The following DOK6 variants were observed in gnomAD, a reference collection of about 807,000 sequenced individuals.
The protein encoded by DOK6 is downstream of tyrosine kinase 6.
In DOK6, 22 loss-of-function variants were observed where a neutral mutation model predicts 44.0. That is an observed-to-expected ratio of 0.50 (90% CI 0.36 to 0.71). The LOEUF (loss-of-function observed/expected upper bound fraction) is 0.71, where lower values mean the gene tolerates loss of function less well. Ranked by LOEUF, DOK6 falls within the 30% of genes least tolerant of loss-of-function variation. The pLI is 0.00. For missense variants in DOK6, 340 were observed against 416.4 expected, an observed-to-expected ratio of 0.82 and a Z score of 1.60; for synonymous variants, 166 against 145.5, an observed-to-expected ratio of 1.14 and a Z score of -1.01.
At chr18:69,547,953 A>AT (rs1568292917) in intron 1 of DOK6, among the ~76,000 whole-genome samples, 6 of 145,138 alleles carry the variant, frequency 4.1e-5, no homozygotes, top group Admixed American at 2.1e-4. Flanking sequence ...ATATATATAA[A>AT]ATATATATAT....
At chr18:69,709,845 T>C (rs1172403924) in intron 5 of DOK6, among the ~76,000 whole-genome samples, 1 of 152,220 alleles carries the variant, frequency 6.6e-6, no homozygotes, top group Non-Finnish European at 1.5e-5. Flanking sequence ...TTTCACCATC[T>C]GATTATAACT....
intron 1 of DOK6, among the ~76,000 whole-genome samples, chr18:69,540,988 A>G (rs969321805): frequency 7.9e-5 from 12 of 152,138 alleles, no homozygotes; most frequent in African/African-American, 2.9e-4. Context: ...TAATTCTTGC[A>G]CTAATTTGAG....
chr18:69,758,127 A>C (rs924091650), intron 7 of DOK6, among the ~76,000 whole-genome samples: 1 of 152,230 alleles, frequency 6.6e-6, no homozygotes, highest in East Asian at 1.9e-4. Flanking sequence ...AACTTGACTA[A>C]AACATTATAC....
intron 1 of DOK6, among the ~76,000 whole-genome samples, chr18:69,438,215 G>A (rs1004366214): frequency 1.3e-5 from 2 of 150,658 alleles, no homozygotes; most frequent in South Asian, 4.1e-4. Flanking sequence ...TTTATCCATA[G>A]TAGAACTTCG....
At chr18:69,590,302 C>T (rs1568305131) in intron 2 of DOK6, among the ~76,000 whole-genome samples, 1 of 152,092 alleles carries the variant, frequency 6.6e-6, no homozygotes, top group Non-Finnish European at 1.5e-5. Flanking sequence ...GAGTTTAGAT[C>T]AAATTGCCAA....
At chr18:69,831,719 A>C (rs1405153987) in intron 7 of DOK6, among the ~76,000 whole-genome samples, 1 of 152,184 alleles carries the variant, frequency 6.6e-6, no homozygotes, top group East Asian at 1.9e-4. Context: ...CTCCAAAGGA[A>C]TTTCAGAAGC....
intron 2 of DOK6, among the ~76,000 whole-genome samples, chr18:69,584,741 T>A (rs1983460127): frequency 1.3e-5 from 2 of 152,174 alleles, no homozygotes; most frequent in South Asian, 4.1e-4. Context: ...GGAAATGGGC[T>A]CTTGGAAAAT....
chr18:69,427,718 A>G (rs563783140), intron 1 of DOK6, among the ~76,000 whole-genome samples: 3 of 152,302 alleles, frequency 2.0e-5, no homozygotes, highest in East Asian at 1.9e-4. Flanking sequence ...ATGCCCATCA[A>G]TGATAGACTG....
intron 1 of DOK6, among the ~76,000 whole-genome samples, chr18:69,512,301 A>G (rs1452785839): frequency 1.3e-5 from 2 of 148,472 alleles, no homozygotes; most frequent in African/African-American, 5.1e-5. Context: ...CATTTAGGTC[A>G]AGCCAACCCC....
chr18:69,526,126 C>A (rs1401223607), intron 1 of DOK6, among the ~76,000 whole-genome samples: 2 of 151,944 alleles, frequency 1.3e-5, no homozygotes, highest in African/African-American at 4.8e-5. Flanking sequence ...ATATACAATT[C>A]TGTTGTTTTT....
chr18:69,758,085 CTG>C (rs1979419459), intron 7 of DOK6, among the ~76,000 whole-genome samples: 1 of 152,210 alleles, frequency 6.6e-6, no homozygotes, highest in Non-Finnish European at 1.5e-5. Context: ...TCAAAAATTA[CTG>C]TGAGGGCTAA....
chr18:69,636,661 T>C (rs1455098779), intron 3 of DOK6, among the ~76,000 whole-genome samples: 2 of 152,236 alleles, frequency 1.3e-5, no homozygotes, highest in African/African-American at 2.4e-5. Flanking sequence ...TCTTCAAAGA[T>C]CTGCTTATGT....
intron 3 of DOK6, among the ~76,000 whole-genome samples, chr18:69,630,095 A>T (rs4891368): frequency 0.95 from 144,830 of 152,190 alleles, 69,330 homozygotes; most frequent in East Asian, 1. Context: ...TAATATACAG[A>T]TGACTCTGCA....
chr18:69,661,088 C>T (rs1239956997), intron 3 of DOK6: 1 of 152,104 alleles, frequency 6.6e-6, no homozygotes, highest in Non-Finnish European at 1.5e-5. Context: ...TGTTTTTGTT[C>T]ATTCAGGCTG....
At chr18:69,817,651 C>A (rs1418359225) in intron 7 of DOK6, among the ~76,000 whole-genome samples, 1 of 152,094 alleles carries the variant, frequency 6.6e-6, no homozygotes, top group African/African-American at 2.4e-5. Flanking sequence ...TAGGACCCAC[C>A]CTTGTGACCT....
intron 1 of DOK6, among the ~76,000 whole-genome samples, chr18:69,481,764 C>G (rs961410588): frequency 6.6e-6 from 1 of 152,236 alleles, no homozygotes; most frequent in South Asian, 2.1e-4. Context: ...GGTCAAATGG[C>G]ATTTCTAGCT....
At chr18:69,650,821 T>C (rs527474854) in intron 3 of DOK6, among the ~76,000 whole-genome samples, 1 of 152,358 alleles carries the variant, frequency 6.6e-6, no homozygotes, top group South Asian at 2.1e-4. Flanking sequence ...TCCATCATTT[T>C]TTTCATGCTG....
Position 69,810,526 on chromosome 18 carries a change from A to G in DOK6, c.857-30718A>G, listed in dbSNP as rs185193510. ...AAAGGAAACAATCAACAGTGTGGAGAGACAACCTACAGAATGGTAGAAGAT... is the reference window on the plus strand; with the variant it reads ...AAAGGAAACAATCAACAGTGTGGAGGGACAACCTACAGAATGGTAGAAGAT... On this transcript the variant is annotated intron_variant, in intron 7 of 7. Coordinates refer to ENST00000382713, the MANE Select transcript of DOK6 (RefSeq NM_152721.6). 4.6e-5 allele frequency among the ~76,000 whole-genome samples: 7 copies of G among 152,218 alleles called. No individual in the cohort carries two copies. The East Asian group carries it at 1.3e-3, about 29-fold the overall frequency.
At chr18:69,540,712 A>C (rs1439749381) in intron 1 of DOK6, among the ~76,000 whole-genome samples, 1 of 151,974 alleles carries the variant, frequency 6.6e-6, no homozygotes, top group Admixed American at 6.6e-5. Context: ...TAGACTTTTG[A>C]TAATTAATTT....
Sources: gnomAD v4.1 joint callset for allele counts (sites outside exome capture counted in the v4.1 genomes callset) on GRCh38, gnomAD v4.1.1 for gene constraint, MANE v1.5 for transcripts, NCBI Gene and HGNC (gene_info 2026-07-23, HGNC 2026-07-21) for gene names.